DCP1A: variants seen among roughly 807,000 people sequenced by gnomAD.
The protein encoded by DCP1A is mRNA-decapping enzyme 1A.
Under a neutral mutation model 58.0 loss-of-function variants are expected in DCP1A, and 20 were observed. That is an observed-to-expected ratio of 0.34 (90% CI 0.24 to 0.50). The LOEUF is 0.50. Ranked by LOEUF, DCP1A falls within the 20% of genes least tolerant of loss-of-function variation. The pLI is 0.98. For synonymous variants in DCP1A, 285 were observed against 275.1 expected, an observed-to-expected ratio of 1.04 and a Z score of -0.36; for missense variants, 613 against 712.2, an observed-to-expected ratio of 0.86 and a Z score of 1.59.
chr3:53,312,463 A>G (rs1236176561), intron 4 of DCP1A, 84 bp from the exon 5 acceptor site: 1 of 1,122,862 alleles, frequency 8.9e-7, no homozygotes, highest in African/African-American at 1.6e-5. Flanking sequence ...TCTTCCAAGG[A>G]TACACTAAGA....
intron 3 of DCP1A, 106 bp downstream of exon 3, chr3:53,342,038 G>A (rs2089214078): frequency 1.9e-5 from 18 of 966,768 alleles, no homozygotes; most frequent in Non-Finnish European, 2.4e-5. Context: ...ATTAAGTAGA[G>A]ACCATATTTT....
chr3:53,294,032 A>G (rs1575594834), intron 6 of DCP1A, among the ~76,000 whole-genome samples: 1 of 152,144 alleles, frequency 6.6e-6, no homozygotes, highest in Admixed American at 6.5e-5. Context: ...CTGGCTGGGG[A>G]GCACAGCCAC....
chr3:53,341,116 A>G (rs1041256471), intron 3 of DCP1A, among the ~76,000 whole-genome samples: 6 of 151,954 alleles, frequency 3.9e-5, no homozygotes, highest in Non-Finnish European at 8.8e-5. Context: ...AAAAAGTAAT[A>G]AATATCTTAA....
intron 3 of DCP1A, among the ~76,000 whole-genome samples, chr3:53,323,526 G>A (rs547695186): frequency 5.8e-4 from 89 of 152,230 alleles, no homozygotes; most frequent in African/African-American, 2.1e-3. Flanking sequence ...CCTTCAATAA[G>A]CTATATTAAT....
Position 53,292,814 on chromosome 3 carries a change from C to T in DCP1A, c.638G>A (p.Gly213Glu). Residue 213 changes from glycine to glutamate, a missense_variant, in exon 7 of 10, where the codon GGA becomes GAA. Around this residue, in one of 3 missense-constraint regions of DCP1A, gnomAD observed 498 missense variants for 556.7 expected, o/e 0.89. Coordinates refer to ENST00000610213, the MANE Select transcript of DCP1A (RefSeq NM_018403.7). ...SGSQDKSAPS[G>E]HKHLTVEELF... ...CTCTTCTACCGTCAGATGCTTGTGT[C>T]CAGATGGAGCAGACTGAAAAACAAA... 6.2e-7 allele frequency: 1 copy of T among 1,605,580 alleles called. No homozygotes were observed. Among genetic ancestry groups the T allele is most frequent in the Non-Finnish European group, 8.5e-7 (1 of 1,178,938 alleles).
intron 6 of DCP1A, among the ~76,000 whole-genome samples, chr3:53,300,056 CAG>C (rs1707262585): frequency 6.6e-6 from 1 of 152,044 alleles, no homozygotes; most frequent in Admixed American, 6.5e-5. Context: ...TTAGTAGAGA[CAG>C]GGTTTCACCA....
At chr3:53,293,818 T>C (rs1553686499) in intron 6 of DCP1A, among the ~76,000 whole-genome samples, 1 of 152,166 alleles carries the variant, frequency 6.6e-6, no homozygotes, top group Non-Finnish European at 1.5e-5. Flanking sequence ...TCCAGGCAAA[T>C]GTTTCATCCA....
At chr3:53,325,131 A>G (rs1575613117) in intron 3 of DCP1A, among the ~76,000 whole-genome samples, 1 of 152,346 alleles carries the variant, frequency 6.6e-6, no homozygotes, top group East Asian at 1.9e-4. Flanking sequence ...CCGTTTAAAG[A>G]TATAGCAACC....
chr3:53,300,430 C>T (rs1040914872), intron 6 of DCP1A, among the ~76,000 whole-genome samples: 8 of 151,022 alleles, frequency 5.3e-5, no homozygotes, highest in South Asian at 2.1e-4. Context: ...CTCCGCCTCC[C>T]GGGTTCAAGC....
Position 53,298,711 on chromosome 3 carries a change from G to A in DCP1A, c.624+5466C>T, listed in dbSNP as rs192161400. Among the ~76,000 whole-genome samples the A allele has an allele frequency of 1.9e-3, 283 of 152,246 alleles. 1 individual carries two copies. The highest frequency in any genetic ancestry group is 1.7e-3 in the Non-Finnish European group (114 of 68,024). The stretch of plus-strand genomic sequence containing the variant: ...CACCTGGATGGTGATACTTACCTCC[G>A]GAAAACAGGTACAGCTAAGGTTTGA... On this transcript the variant is annotated intron_variant, in intron 6 of 9. Coordinates refer to ENST00000610213, the MANE Select transcript of DCP1A (RefSeq NM_018403.7).
intron 3 of DCP1A, among the ~76,000 whole-genome samples, chr3:53,339,379 T>G (rs1299652167): frequency 6.6e-6 from 1 of 152,230 alleles, no homozygotes; most frequent in African/African-American, 2.4e-5. Context: ...AATGCATTAA[T>G]GCACTTTCTC....
chr3:53,312,218 C>G (rs140435278), intron 5 of DCP1A, 23 bp downstream of exon 5: 3 of 1,562,612 alleles, frequency 1.9e-6, no homozygotes, highest in Non-Finnish European at 1.7e-6. Flanking sequence ...CTGGTCAGCA[C>G]CCAAGTACCC....
At position 53,307,766 on chromosome 3, in the gene DCP1A, A is replaced by G. The variant is rs916056035; in HGVS notation, c.511-3476T>C. On this transcript the variant is annotated intron_variant, in intron 5 of 9. Transcript: ENST00000610213. Reference sequence around the variant, plus strand: ...AAAAATGCTTTGATCTACCAATTCCATTTAAAGTAATTTATCCTAATAAAA... The same window carrying G: ...AAAAATGCTTTGATCTACCAATTCCGTTTAAAGTAATTTATCCTAATAAAA... Among the ~76,000 whole-genome samples, 6 of 152,220 alleles carry G rather than the reference A, an allele frequency of 3.9e-5. 1 individual carries two copies. Among genetic ancestry groups the G allele is most frequent in the African/African-American group, 1.4e-4 (6 of 41,452 alleles).
chr3:53,297,414 G>A (rs1553686906), intron 6 of DCP1A, among the ~76,000 whole-genome samples: 1 of 150,562 alleles, frequency 6.6e-6, no homozygotes. Context: ...AGGCTGGAGT[G>A]CAGTGGTGTG....
At chr3:53,342,339 GTACTT>G in intron 2 of DCP1A, 68 bp from the exon 3 acceptor site, 1 of 1,161,552 alleles carries the variant, frequency 8.6e-7, no homozygotes, top group South Asian at 1.5e-5. Flanking sequence ...TATCTACTAT[GTACTT>G]TATTTTCATT....
intron 6 of DCP1A, among the ~76,000 whole-genome samples, chr3:53,294,117 G>A (rs183033579): frequency 4.6e-5 from 7 of 152,316 alleles, no homozygotes; most frequent in East Asian, 1.9e-4. Context: ...GAGAAGAAGC[G>A]GGCAGACTGC....
At chr3:53,330,824 TA>T (rs1283399943) in intron 3 of DCP1A, among the ~76,000 whole-genome samples, 2 of 104,716 alleles carry the variant, frequency 1.9e-5, no homozygotes, top group Admixed American at 1.2e-4. Context: ...CATATATATA[TA>T]TTTTTTTTTT....
chr3:53,330,175 C>G (rs2088959688), intron 3 of DCP1A, among the ~76,000 whole-genome samples: 1 of 152,118 alleles, frequency 6.6e-6, no homozygotes, highest in South Asian at 2.1e-4. Flanking sequence ...CATTAATCTA[C>G]AGGGAGTTGT....
chr3:53,302,820 G>T (rs1304674003), intron 6 of DCP1A, among the ~76,000 whole-genome samples: 1 of 151,986 alleles, frequency 6.6e-6, no homozygotes, highest in Non-Finnish European at 1.5e-5. Context: ...ACGGGGTTTC[G>T]CCATGTTGGC....
Sources: gnomAD v4.1 joint callset for allele counts (sites outside exome capture counted in the v4.1 genomes callset) on GRCh38, gnomAD v4.1.1 for gene constraint, gnomAD v4.1.1 regional missense constraint, MANE v1.5 for transcripts, NCBI Gene and HGNC (gene_info 2026-07-23, HGNC 2026-07-21) for gene names.